Variants in OR51G2 observed in about 807,000 individuals in gnomAD.
OR51G2 encodes the protein olfactory receptor family 51 subfamily G member 2, also known as olfactory receptor 51G2.
Under a neutral mutation model 11.8 loss-of-function variants are expected in OR51G2, and 13 were observed. The ratio of observed to expected loss-of-function variants is 1.10; its 90% CI spans 0.72 to 1.76. OR51G2 has a LOEUF of 1.76. Ranked by LOEUF, OR51G2 falls within the 40% of genes most tolerant of loss-of-function variation. OR51G2 has a pLI of 0.00. For synonymous variants in OR51G2, 178 were observed against 151.9 expected, an observed-to-expected ratio of 1.17 and a Z score of -1.26; for missense variants, 474 against 394.4, an observed-to-expected ratio of 1.20 and a Z score of -1.71.
intron 1 of OR51G2, among the ~76,000 whole-genome samples, 166 bp from the exon 2 acceptor site, chr11:4,915,905 A>G (rs1284839359): frequency 1.3e-5 from 2 of 152,174 alleles, no homozygotes; most frequent in African/African-American, 4.8e-5. Flanking sequence ...TGAAGTGATG[A>G]GCCAAACTGG....
Position 4,913,628 on chromosome 11 carries a change from T to C in OR51G2, c.*1091A>G, listed in dbSNP as rs963737030. ...AAACTATCCTTGGTTCCTTGGCTTA[T>C]AATCTCTTTCTGATACAGTCAGTAC... On this transcript the variant is annotated 3_prime_UTR_variant, in exon 2 of 2. Transcript: ENST00000641926. 6 of 152,218 alleles carry C rather than the reference T, an allele frequency of 3.9e-5. No homozygotes were observed. Among genetic ancestry groups the C allele is most frequent in the Non-Finnish European group, 7.3e-5 (5 of 68,046 alleles). 9.4% of individuals were successfully genotyped at this position (152,218 alleles called of 1,614,324 possible).
At chr11:4,915,770 C>T in intron 1 of OR51G2, 31 bp from the exon 2 acceptor site, 1 of 678,010 alleles carries the variant, frequency 1.5e-6, no homozygotes, top group East Asian at 2.7e-5. Flanking sequence ...AAAATAGAAT[C>T]AAATATACCT....
intron 1 of OR51G2, among the ~76,000 whole-genome samples, chr11:4,918,635 G>C (rs1300843542): frequency 6.6e-6 from 1 of 152,108 alleles, no homozygotes; most frequent in Non-Finnish European, 1.5e-5. Context: ...TTTTGGTAAG[G>C]ACTTCATTGT....
rs997628894 is a variant in OR51G2, at chr11:4,913,340, A to T, written c.*1379T>A. The T allele has an allele frequency of 2.6e-5, 4 of 152,180 alleles. No individual in the cohort carries two copies. The highest frequency in any genetic ancestry group is 2.0e-4 in the Admixed American group (3 of 15,272). The allele number at this position is 152,180 out of a possible 1,614,324, so 9.4% of individuals were successfully genotyped here. ...CAACCTCAGGTGAGAACTGGTCCAC[A>T]TACACTTCATAGTAGAAGACATTGT... is the stretch of plus-strand genomic sequence containing the variant. On this transcript the variant is annotated 3_prime_UTR_variant, in exon 2 of 2. Transcript: ENST00000641926.
chr11:4,914,703 C>G lies in OR51G2; in HGVS notation c.*16G>C. The G allele has an allele frequency of 2.5e-6, 4 of 1,580,320 alleles. No individual in the cohort carries two copies. The highest frequency in any genetic ancestry group is 3.5e-6 in the Non-Finnish European group (4 of 1,152,622). On this transcript the variant is annotated 3_prime_UTR_variant, in exon 2 of 2. Coordinates refer to ENST00000641926, the MANE Select transcript of OR51G2 (RefSeq NM_001005238.2). The stretch of plus-strand genomic sequence containing the variant: ...GGGCACGTTTCAGGAGACAGTGGCT[C>G]TAACACTAGACACAGTTAGTAACAA...
intron 1 of OR51G2, among the ~76,000 whole-genome samples, chr11:4,917,855 G>A (rs1337021208): frequency 6.6e-6 from 1 of 151,944 alleles, no homozygotes; most frequent in Admixed American, 6.6e-5. Flanking sequence ...AATTACTATT[G>A]TAAAAAATTC....
chr11:4,917,161 A>T (rs1422428877), intron 1 of OR51G2, among the ~76,000 whole-genome samples: 1 of 151,210 alleles, frequency 6.6e-6, no homozygotes, highest in African/African-American at 2.4e-5. Flanking sequence ...GTTTTTTTGC[A>T]TGAATAAGTT....
rs994830166 is a variant in OR51G2, at chr11:4,913,716, A to G, written c.*1003T>C. 6.6e-6 allele frequency: 1 copy of G among 152,210 alleles called. No homozygotes were observed. Among genetic ancestry groups the G allele is most frequent in the African/African-American group, 2.4e-5 (1 of 41,442 alleles). The allele number at this position is 152,210 out of a possible 1,614,324, so 9.4% of individuals were successfully genotyped here. On this transcript the variant is annotated 3_prime_UTR_variant, in exon 2 of 2. Transcript: ENST00000641926. ...CTTCCTGACATTCTAGAGAATAAAA[A>G]TGGCAACAAAAACAACACTTCAGAT... is the stretch of plus-strand genomic sequence containing the variant.
chr11:4,915,776 T>G, intron 1 of OR51G2, 37 bp from the exon 2 acceptor site: 2 of 642,412 alleles, frequency 3.1e-6, no homozygotes, highest in Non-Finnish European at 5.4e-6. Context: ...GAATCAAATA[T>G]ACCTAGAACT....
intron 1 of OR51G2, among the ~76,000 whole-genome samples, chr11:4,918,416 T>A (rs747745163): frequency 3.3e-5 from 5 of 152,120 alleles, no homozygotes; most frequent in Non-Finnish European, 5.9e-5. Flanking sequence ...TGCTTCAGAT[T>A]GTAAGGAGGT....
Position 4,914,749 on chromosome 11 carries a change from C to T in OR51G2, c.915G>A (p.Arg305=). 1 of 1,613,316 alleles carries T rather than the reference C, an allele frequency of 6.2e-7. No homozygotes were observed. The highest frequency in any genetic ancestry group is 1.7e-5 in the Admixed American group (1 of 59,994). ...IVYSVKTKQI[R]DRVTHAFCY is the part of the protein sequence containing the mutation. ...AACAAAAGGCATGCGTCACTCGATC[C>T]CGGATCTGTTTGGTCTTCACACTGT... Residue 305 remains arginine, a synonymous_variant, in exon 2 of 2, where the codon CGG becomes CGA. Coordinates refer to ENST00000641926, the MANE Select transcript of OR51G2 (RefSeq NM_001005238.2).
At position 4,915,343 on chromosome 11, in the gene OR51G2, A is replaced by G; in HGVS notation, c.321T>C (p.Phe107=). The change falls in exon 2 of 2, where the codon TTT becomes TTC. Residue 107 remains phenylalanine, a synonymous_variant. Transcript: ENST00000641926. The part of the protein sequence containing the change: ...ISHDACFAQL[F]FIHCFSFLES... ...CGAGGAAGGAGAAGCAGTGAATGAA[A>G]AAGAGCTGAGCAAAGCAGGCATCAT... The G allele has an allele frequency of 6.2e-7, 1 of 1,614,020 alleles. No homozygotes were observed.
chr11:4,919,119 G>A (rs192356963), intron 1 of OR51G2, 58 bp downstream of exon 1: 23 of 152,302 alleles, frequency 1.5e-4, no homozygotes, highest in African/African-American at 4.8e-4. Flanking sequence ...TTCTGAGCTG[G>A]TGCTAAGATC....
intron 1 of OR51G2, among the ~76,000 whole-genome samples, chr11:4,917,707 A>G (rs1589938787): frequency 6.6e-6 from 1 of 152,190 alleles, no homozygotes; most frequent in Non-Finnish European, 1.5e-5. Context: ...TGTCAGGGAC[A>G]GACAAGCTAC....
At position 4,914,290 on chromosome 11, in the gene OR51G2, A is replaced by C. The variant is rs527323102; in HGVS notation, c.*429T>G. 3 of 161,432 alleles carry C rather than the reference A, an allele frequency of 1.9e-5. No homozygotes were observed. The highest frequency in any genetic ancestry group is 7.2e-5 in the African/African-American group (3 of 41,594). The allele number at this position is 161,432 out of a possible 1,614,324, so 10.0% of individuals were successfully genotyped here. A position where few individuals can be genotyped will look rare whatever the true frequency, so the allele number is the denominator to read the frequency against. On this transcript the variant is annotated 3_prime_UTR_variant, in exon 2 of 2. Transcript: ENST00000641926. Reference sequence around the variant, plus strand: ...TTAGAATAGGGGCTGGGTTTCAAAAACAAGCGTTGAGTGAAACAGACAGAA... The same window carrying C: ...TTAGAATAGGGGCTGGGTTTCAAAACCAAGCGTTGAGTGAAACAGACAGAA...
At chr11:4,917,590 A>T (rs1851117170) in intron 1 of OR51G2, among the ~76,000 whole-genome samples, 1 of 152,202 alleles carries the variant, frequency 6.6e-6, no homozygotes, top group African/African-American at 2.4e-5. Context: ...CCACCTGAAG[A>T]TCATATAGGC....
chr11:4,917,951 A>ATTTTCCG, intron 1 of OR51G2, among the ~76,000 whole-genome samples: 1 of 150,988 alleles, frequency 6.6e-6, no homozygotes, highest in Non-Finnish European at 1.5e-5. Context: ...GTCAAAATAA[A>ATTTTCCG]CCTAAGGCGG....
chr11:4,915,306 G>A lies in OR51G2; in HGVS notation c.358C>T (p.Leu120=), dbSNP rs915161277. The A allele has an allele frequency of 1.9e-6, 3 of 1,613,880 alleles. No homozygotes were observed. The highest frequency in any genetic ancestry group is 1.3e-5 in the African/African-American group (1 of 74,906). Residue 120 remains leucine (L), a synonymous_variant, in exon 2 of 2, where the codon CTA becomes TTA. Transcript: ENST00000641926. ...AAGCGGTCAAAGGCCATAGACAGTA[G>A]CACAGAGGACTCGAGGAAGGAGAAG... is the stretch of plus-strand genomic sequence containing the variant. The part of the protein sequence containing the change: ...HCFSFLESSV[L]LSMAFDRFVA...
chr11:4,914,778 C>T lies in OR51G2; in HGVS notation c.886G>A (p.Val296Ile), dbSNP rs200340167. The change falls in exon 2 of 2, where the codon GTC (valine) becomes ATC (isoleucine). Residue 296 changes from valine (V) to isoleucine (I), a missense_variant. Coordinates refer to ENST00000641926, the MANE Select transcript of OR51G2 (RefSeq NM_001005238.2). ...LLFPPVMNPI[V>I]YSVKTKQIRD... ...ATCTGTTTGGTCTTCACACTGTAGA[C>T]AATGGGATTCATCACAGGAGGAAAG... 2 of 1,614,014 alleles carry T rather than the reference C, an allele frequency of 1.2e-6. No individual in the cohort carries two copies. Among genetic ancestry groups the T allele is most frequent in the East Asian group, 2.2e-5 (1 of 44,816 alleles).
Sources: allele counts gnomAD v4.1 joint callset (sites outside exome capture counted in the v4.1 genomes callset), GRCh38; gene constraint gnomAD v4.1.1; transcripts MANE v1.5; gene names NCBI Gene and HGNC (gene_info 2026-07-23, HGNC 2026-07-21).